GRID2: variants seen among roughly 807,000 people sequenced by gnomAD.
The protein encoded by GRID2 is glutamate ionotropic receptor delta type subunit 2.
A neutral mutation model predicts 114.8 loss-of-function variants in GRID2; 33 were observed. That is an observed-to-expected ratio of 0.29 (90% CI 0.22 to 0.38). The LOEUF (loss-of-function observed/expected upper bound fraction) is 0.38, where lower values mean the gene tolerates loss of function less well. GRID2 is among the 10% of genes least tolerant of loss of function. The pLI is 1.00. For missense variants in GRID2, 1,184 were observed against 1,257.7 expected (o/e 0.94, Z 0.89); for synonymous variants, 505 against 449.9 (o/e 1.12, Z -1.55).
At chr4:93,369,617 T>G (rs946980652) in intron 8 of GRID2, among the ~76,000 whole-genome samples, 2 of 152,098 alleles carry the variant, frequency 1.3e-5, no homozygotes, top group African/African-American at 4.8e-5. Flanking sequence ...GCCTCCCAAG[T>G]AGTTTAGAGG....
At chr4:92,857,053 T>G (rs1744227200) in intron 2 of GRID2, among the ~76,000 whole-genome samples, 1 of 152,204 alleles carries the variant, frequency 6.6e-6, no homozygotes, top group African/African-American at 2.4e-5. Flanking sequence ...TGCAGTGCCA[T>G]TAACCACGCC....
chr4:92,925,926 A>C (rs2149513507), intron 2 of GRID2, among the ~76,000 whole-genome samples: 1 of 152,166 alleles, frequency 6.6e-6, no homozygotes, highest in Middle Eastern at 3.4e-3. Flanking sequence ...TAATGTAATT[A>C]AAAAGTTCCC....
chr4:92,974,954 T>G (rs542798223), intron 2 of GRID2, among the ~76,000 whole-genome samples: 8 of 151,536 alleles, frequency 5.3e-5, no homozygotes, highest in Admixed American at 3.3e-4. Flanking sequence ...TCAGGAGATC[T>G]ACACCATCCT....
chr4:93,353,602 G>GATGAA (rs1761017581), intron 8 of GRID2, among the ~76,000 whole-genome samples: 1 of 151,950 alleles, frequency 6.6e-6, no homozygotes, highest in Admixed American at 6.6e-5. Flanking sequence ...CATGGAAAAT[G>GATGAA]ATGAAAGTAG....
chr4:92,736,293 A>G (rs557365121), intron 2 of GRID2, among the ~76,000 whole-genome samples: 3 of 152,234 alleles, frequency 2.0e-5, no homozygotes, highest in Middle Eastern at 3.4e-3. Context: ...GGAAAAGACA[A>G]GAAACAAATT....
At chr4:93,136,800 A>C (rs545177207) in intron 4 of GRID2, among the ~76,000 whole-genome samples, 6 of 152,198 alleles carry the variant, frequency 3.9e-5, no homozygotes, top group Non-Finnish European at 8.8e-5. Flanking sequence ...GTGATTCCAC[A>C]ACTGACCAAG....
At chr4:93,724,954 AT>A (rs201668660) in intron 14 of GRID2, among the ~76,000 whole-genome samples, 2 of 151,260 alleles carry the variant, frequency 1.3e-5, no homozygotes, top group African/African-American at 2.4e-5. Context: ...TAATTTTTGT[AT>A]TTTTTTTAGT....
At chr4:93,042,725 A>C (rs1031745245) in intron 2 of GRID2, among the ~76,000 whole-genome samples, 1 of 146,984 alleles carries the variant, frequency 6.8e-6, no homozygotes, top group Non-Finnish European at 1.5e-5. Flanking sequence ...AGATATATAG[A>C]GAGAGAGATA....
chr4:93,800,390 T>C (rs1578801755), intron 1 of GRID2, among the ~76,000 whole-genome samples: 1 of 152,206 alleles, frequency 6.6e-6, no homozygotes, highest in Admixed American at 6.5e-5. Flanking sequence ...ACGTATCTTA[T>C]CAAGTTTGGA....
intron 8 of GRID2, among the ~76,000 whole-genome samples, chr4:93,324,678 G>C (rs1304517687): frequency 6.6e-6 from 1 of 151,922 alleles, no homozygotes. Flanking sequence ...GACTTTTTTT[G>C]GTTGGTAGGC....
intron 11 of GRID2, among the ~76,000 whole-genome samples, chr4:93,471,698 A>ATTTCTTTTTTTTTTTTTTTTTTT (rs1724815104): frequency 1.6e-5 from 1 of 61,008 alleles, no homozygotes; most frequent in African/African-American, 9.0e-5. Context: ...CCTGAATTCA[A>ATTTCTTTTTTTTTTTTTTTTTTT]TTTTTTTTTT....
At chr4:93,042,692 CATATATATATGCAT>C (rs1045191738) in intron 2 of GRID2, among the ~76,000 whole-genome samples, 7 of 133,736 alleles carry the variant, frequency 5.2e-5, no homozygotes, top group Admixed American at 1.5e-4. Flanking sequence ...TATATATATG[CATATATATATGCAT>C]ATATATATAG....
chr4:93,050,892 A>G (rs904694230), intron 2 of GRID2, among the ~76,000 whole-genome samples: 4 of 152,068 alleles, frequency 2.6e-5, no homozygotes, highest in Non-Finnish European at 5.9e-5. Flanking sequence ...CAGGCGTTGC[A>G]GCATTTTAAT....
At chr4:93,027,904 AATATT>A (rs1724027918) in intron 2 of GRID2, among the ~76,000 whole-genome samples, 1 of 152,112 alleles carries the variant, frequency 6.6e-6, no homozygotes, top group Admixed American at 6.6e-5. Context: ...AATAATCTAA[AATATT>A]ATTTTATTGA....
intron 13 of GRID2, among the ~76,000 whole-genome samples, chr4:93,551,175 G>A (rs1733714130): frequency 6.6e-6 from 1 of 152,184 alleles, no homozygotes; most frequent in Non-Finnish European, 1.5e-5. Flanking sequence ...GTACTGTAGA[G>A]ACCAGGTAAC....
intron 11 of GRID2, among the ~76,000 whole-genome samples, chr4:93,488,466 G>A (rs899199953): frequency 2.6e-5 from 4 of 151,938 alleles, no homozygotes; most frequent in African/African-American, 7.2e-5. Flanking sequence ...GTGGGAACTC[G>A]TGGTTGTAAT....
At chr4:92,589,205 C>T (rs978753539) in intron 1 of GRID2, among the ~76,000 whole-genome samples, 6 of 152,144 alleles carry the variant, frequency 3.9e-5, no homozygotes, top group African/African-American at 1.4e-4. Context: ...AATGATAATA[C>T]ACACAATGTG....
chr4:93,030,844 G>A (rs1182305503), intron 2 of GRID2, among the ~76,000 whole-genome samples: 1 of 151,678 alleles, frequency 6.6e-6, no homozygotes, highest in African/African-American at 2.4e-5. Flanking sequence ...GAGGAGAAGA[G>A]TGGTGAGAAA....
chr4:93,774,783 C>A (rs1734325309), downstream of GRID2, among the ~76,000 whole-genome samples: 1 of 151,870 alleles, frequency 6.6e-6, no homozygotes, highest in Non-Finnish European at 1.5e-5. Context: ...CTATTTGAAC[C>A]AACAATACAT....
Sources: allele counts gnomAD v4.1 joint callset (sites outside exome capture counted in the v4.1 genomes callset), GRCh38; gene constraint gnomAD v4.1.1; transcripts MANE v1.5; gene names NCBI Gene and HGNC (gene_info 2026-07-23, HGNC 2026-07-21).